Variants in SLC5A1 observed in about 807,000 individuals in gnomAD.
SLC5A1 encodes sodium/glucose cotransporter 1.
In SLC5A1, 42 loss-of-function variants were observed where a neutral mutation model predicts 73.5. The ratio of observed to expected loss-of-function variants is 0.57; its 90% CI spans 0.45 to 0.74. SLC5A1 has a LOEUF of 0.74. Among genes scored for constraint, SLC5A1 ranks in the 30% least tolerant of loss-of-function variants. The pLI is 0.00. For synonymous variants in SLC5A1, 300 were observed against 317.4 expected, an observed-to-expected ratio of 0.95 and a Z score of 0.58; for missense variants, 634 against 855.4, an observed-to-expected ratio of 0.74 and a Z score of 3.23.
At chr22:32,083,517 G>A (rs550299526) in intron 7 of SLC5A1, among the ~76,000 whole-genome samples, 7 of 152,296 alleles carry the variant, frequency 4.6e-5, no homozygotes, top group Non-Finnish European at 5.9e-5. Flanking sequence ...CAAATGTTGC[G>A]TCTTCCATCT....
chr22:32,104,170 G>T (rs1015215540), intron 13 of SLC5A1, among the ~76,000 whole-genome samples: 1 of 152,158 alleles, frequency 6.6e-6, no homozygotes, highest in African/African-American at 2.4e-5. Context: ...ACATCTATTT[G>T]CTGGACCTGT....
chr22:32,071,308 C>G (rs1410468571), intron 5 of SLC5A1, among the ~76,000 whole-genome samples: 9 of 152,010 alleles, frequency 5.9e-5, no homozygotes, highest in African/African-American at 2.2e-4. Context: ...AAAATATTAG[C>G]CAGGCATGGT....
Position 32,079,193 on chromosome 22 carries a change from G to A in SLC5A1, c.478-2673G>A, listed in dbSNP as rs1447631524. 4.6e-5 allele frequency among the ~76,000 whole-genome samples: 7 copies of A among 152,138 alleles called. No homozygotes were observed. In the East Asian group the frequency reaches 1.2e-3, roughly 25 times the overall value. ...TGTTTGGCAGCTAGGAAGGACCAAA[G>A]ACTAATGTCAGAGCACCCAGACTAG... On this transcript the variant is annotated intron_variant, in intron 5 of 14. Transcript: ENST00000266088.
chr22:32,096,384 G>A (rs1184980875), intron 11 of SLC5A1, among the ~76,000 whole-genome samples: 1 of 152,098 alleles, frequency 6.6e-6, no homozygotes, highest in Non-Finnish European at 1.5e-5. Flanking sequence ...GCAGCCAACT[G>A]AGCCCTTGTC....
intron 4 of SLC5A1, 150 bp from the exon 5 acceptor site, chr22:32,068,345 TG>T: frequency 1.4e-6 from 1 of 712,592 alleles, no homozygotes; most frequent in Non-Finnish European, 2.5e-6. Context: ...AGGGGCCATC[TG>T]GCCACCTCGC....
chr22:32,104,278 AGTTCATGCTCTAGATCAAGTATTTG>A, intron 13 of SLC5A1, among the ~76,000 whole-genome samples: 1 of 152,340 alleles, frequency 6.6e-6, no homozygotes, highest in South Asian at 2.1e-4. Context: ...CCCTAGACCG[AGTTCATGCTCTAGATCAAGTATTTG>A]GTTCATGCTC....
intron 5 of SLC5A1, among the ~76,000 whole-genome samples, chr22:32,081,116 G>A (rs2149491472): frequency 6.6e-6 from 1 of 152,224 alleles, no homozygotes; most frequent in South Asian, 2.1e-4. Flanking sequence ...TGGTTTATAT[G>A]AGCAACTGCA....
chr22:32,080,983 G>T (rs1449100469), intron 5 of SLC5A1, among the ~76,000 whole-genome samples: 1 of 152,090 alleles, frequency 6.6e-6, no homozygotes, highest in Non-Finnish European at 1.5e-5. Context: ...GACAGAGTGA[G>T]ACTCTGTCAA....
chr22:32,098,159 T>C lies in SLC5A1; in HGVS notation c.1281-1024T>C, dbSNP rs1009516707. ...AGGCAGTTTCTCATAAAGTTGGATG[T>C]CCATCTACCCTATAATCCAGCAGTA... On this transcript the variant is annotated intron_variant, in intron 11 of 14. Coordinates refer to ENST00000266088, the MANE Select transcript of SLC5A1 (RefSeq NM_000343.4). Among the ~76,000 whole-genome samples the C allele has an allele frequency of 9.8e-5, 15 of 152,364 alleles. No homozygotes were observed. The East Asian group carries it at 2.9e-3, about 29-fold the overall frequency.
chr22:32,060,609 C>T (rs1400235007), intron 2 of SLC5A1, among the ~76,000 whole-genome samples: 1 of 152,088 alleles, frequency 6.6e-6, no homozygotes, highest in Non-Finnish European at 1.5e-5. Context: ...CTTATTCTGT[C>T]CCCCCAATTG....
intron 14 of SLC5A1, 61 bp from the exon 15 acceptor site, chr22:32,109,929 T>C (rs1030055611): frequency 3.6e-6 from 5 of 1,398,196 alleles, no homozygotes; most frequent in Admixed American, 3.4e-5. Flanking sequence ...GCTTCTCCCC[T>C]GAAAACTTTT....
intron 14 of SLC5A1, among the ~76,000 whole-genome samples, chr22:32,109,743 A>T (rs1284789558): frequency 1.3e-5 from 2 of 152,198 alleles, no homozygotes; most frequent in African/African-American, 4.8e-5. Context: ...CCTGATAGAG[A>T]TAAAACTTAG....
At chr22:32,053,897 G>T (rs1044490281) in intron 2 of SLC5A1, among the ~76,000 whole-genome samples, 1 of 152,092 alleles carries the variant, frequency 6.6e-6, no homozygotes, top group Non-Finnish European at 1.5e-5. Context: ...TTTCTCAGCC[G>T]GGTGCGGTGG....
chr22:32,065,670 A>G (rs1342344412), intron 2 of SLC5A1, among the ~76,000 whole-genome samples: 1 of 152,210 alleles, frequency 6.6e-6, no homozygotes, highest in African/African-American at 2.4e-5. Flanking sequence ...CTAAGTTAAT[A>G]TTTGTTGAGC....
intron 10 of SLC5A1, among the ~76,000 whole-genome samples, chr22:32,090,404 G>A (rs1021315286): frequency 3.9e-5 from 6 of 152,010 alleles, no homozygotes; most frequent in Non-Finnish European, 7.4e-5. Context: ...CATATAATAC[G>A]TGTTTTTTTG....
At position 32,104,723 on chromosome 22, in the gene SLC5A1, C is replaced by G. The variant is rs11913032; in HGVS notation, c.1666-63C>G. On this transcript the variant is annotated intron_variant, in intron 13 of 14. Transcript: ENST00000266088. The stretch of plus-strand genomic sequence containing the variant: ...CCTTGATGCATATCTCTTTGCCCCC[C>G]CAACTTCTTGTCCCAAGATGCTATT... The G allele has an allele frequency of 9.2e-5, 123 of 1,340,282 alleles. No homozygotes were observed. The African/African-American group carries it at 1.4e-3, about 15-fold the overall frequency. The allele number at this position is 1,340,282 out of a possible 1,614,324, so 83.0% of individuals were successfully genotyped here.
rs544403118 is a variant in SLC5A1, at chr22:32,057,536, C to A, written c.207+7522C>A. 7.2e-5 allele frequency among the ~76,000 whole-genome samples: 11 copies of A among 152,254 alleles called. No individual in the cohort carries two copies. In the East Asian group the frequency reaches 1.9e-3, roughly 27 times the overall value. Reference sequence around the variant, plus strand: ...CTGCCATGGCCTCCCAAGGTGCTGGCATTACAGGCATAAGCTACCGCACCC... The same window carrying A: ...CTGCCATGGCCTCCCAAGGTGCTGGAATTACAGGCATAAGCTACCGCACCC... On this transcript the variant is annotated intron_variant, in intron 2 of 14. Transcript: ENST00000266088.
chr22:32,096,449 C>G (rs959354006), intron 11 of SLC5A1, among the ~76,000 whole-genome samples: 2 of 152,182 alleles, frequency 1.3e-5, no homozygotes, highest in Non-Finnish European at 2.9e-5. Flanking sequence ...CACTGCAGCT[C>G]TCCACACTGG....
Position 32,104,859 on chromosome 22 carries a change from T to A in SLC5A1, c.1739T>A (p.Ile580Asn), listed in dbSNP as rs1207047215. The part of the protein sequence containing the change: ...RIDLDAEEEN[I>N]QEGPKETIEI... Reference sequence around the variant, plus strand: ...GACCTGGATGCGGAAGAGGAGAACATCCAAGAAGGCCCTAAGGAGACCATT... The same window carrying A: ...GACCTGGATGCGGAAGAGGAGAACAACCAAGAAGGCCCTAAGGAGACCATT... The change falls in exon 14 of 15, where the codon ATC becomes AAC. Residue 580 changes from isoleucine to asparagine, a missense_variant. By Grantham distance (149) the Ile-to-Asn change is moderately radical. Coordinates refer to ENST00000266088, the MANE Select transcript of SLC5A1 (RefSeq NM_000343.4). 2 of 1,614,016 alleles carry A rather than the reference T, an allele frequency of 1.2e-6. No individual in the cohort carries two copies. Among genetic ancestry groups the A allele is most frequent in the Non-Finnish European group, 1.7e-6 (2 of 1,179,954 alleles).
Sources: gnomAD v4.1 joint callset for allele counts (sites outside exome capture counted in the v4.1 genomes callset) on GRCh38, gnomAD v4.1.1 for gene constraint, MANE v1.5 for transcripts, NCBI Gene and HGNC (gene_info 2026-07-23, HGNC 2026-07-21) for gene names.